Variants in WWC1 observed in about 807,000 individuals in gnomAD.
The protein encoded by WWC1 is protein KIBRA.
A neutral mutation model predicts 138.4 loss-of-function variants in WWC1; 55 were observed. That is an observed-to-expected ratio of 0.40 (90% CI 0.32 to 0.50). The LOEUF (loss-of-function observed/expected upper bound fraction) is 0.50. WWC1 is among the 20% of genes least tolerant of loss of function. The pLI, the probability that WWC1 is intolerant of heterozygous loss-of-function variation, is 0.72. For missense variants in WWC1, 1,226 were observed against 1,420.4 expected (o/e 0.86, Z 2.20); for synonymous variants, 524 against 564.9 (o/e 0.93, Z 1.03).
At chr5:168,404,425 A>G (rs1452007394) in intron 5 of WWC1, among the ~76,000 whole-genome samples, 2 of 152,212 alleles carry the variant, frequency 1.3e-5, no homozygotes, top group East Asian at 3.9e-4. Flanking sequence ...TAGACAGGCT[A>G]TTTTTAGTGG....
chr5:168,377,650 AT>A (rs1244025915), intron 2 of WWC1, among the ~76,000 whole-genome samples: 1 of 152,258 alleles, frequency 6.6e-6, no homozygotes, highest in Non-Finnish European at 1.5e-5. Context: ...AAAAGAAGAC[AT>A]AAAAGAGGCT....
At chr5:168,324,331 G>T (rs1276256043) in intron 1 of WWC1, among the ~76,000 whole-genome samples, 1 of 152,150 alleles carries the variant, frequency 6.6e-6, no homozygotes, top group Non-Finnish European at 1.5e-5. Context: ...TACTCAGGAG[G>T]CCGAGGCAGG....
chr5:168,324,237 C>G (rs1772349862), intron 1 of WWC1, among the ~76,000 whole-genome samples: 1 of 152,118 alleles, frequency 6.6e-6, no homozygotes, highest in Non-Finnish European at 1.5e-5. Flanking sequence ...AGTTTGAGAC[C>G]AGCCTGACCA....
intron 6 of WWC1, among the ~76,000 whole-genome samples, chr5:168,407,081 C>T (rs925487892): frequency 6.6e-6 from 1 of 152,120 alleles, no homozygotes; most frequent in Non-Finnish European, 1.5e-5. Context: ...CTTGAGCCAG[C>T]GCACCTGGCC....
At chr5:168,376,246 G>T (rs1777156740) in intron 2 of WWC1, among the ~76,000 whole-genome samples, 1 of 151,692 alleles carries the variant, frequency 6.6e-6, no homozygotes, top group Admixed American at 6.6e-5. Context: ...TAGAGATGGG[G>T]TTTCACCATG....
chr5:168,449,613 G>GC (rs1432303472), intron 17 of WWC1, among the ~76,000 whole-genome samples: 1 of 101,986 alleles, frequency 9.8e-6, no homozygotes, highest in African/African-American at 3.7e-5. Context: ...CACTCTTGTT[G>GC]CCCAGGCTAG....
At chr5:168,422,637 G>A (rs1781184324) in intron 10 of WWC1, among the ~76,000 whole-genome samples, 2 of 151,778 alleles carry the variant, frequency 1.3e-5, no homozygotes, top group African/African-American at 2.4e-5. Context: ...AAAAGCCTTA[G>A]GAAACTCACA....
At chr5:168,431,113 C>G in intron 14 of WWC1, 139 bp from the exon 15 acceptor site, 1 of 727,924 alleles carries the variant, frequency 1.4e-6, no homozygotes. Context: ...TGTATAGGGG[C>G]CTGATTCCCC....
chr5:168,360,498 C>T (rs1191659489), intron 1 of WWC1, among the ~76,000 whole-genome samples: 2 of 152,188 alleles, frequency 1.3e-5, no homozygotes, highest in African/African-American at 4.8e-5. Flanking sequence ...GTGCCTAGTG[C>T]TTCACTGGCC....
intron 1 of WWC1, among the ~76,000 whole-genome samples, chr5:168,363,166 C>A (rs1250988433): frequency 2.0e-5 from 3 of 152,112 alleles, no homozygotes; most frequent in African/African-American, 7.2e-5. Flanking sequence ...CTTCAGAGAG[C>A]AGATTTTGAG....
chr5:168,406,625 GT>G (rs1394888280), intron 6 of WWC1, among the ~76,000 whole-genome samples: 1 of 152,126 alleles, frequency 6.6e-6, no homozygotes, highest in African/African-American at 2.4e-5. Flanking sequence ...TTTTTTCTTT[GT>G]TTTTTAAACT....
intron 2 of WWC1, among the ~76,000 whole-genome samples, chr5:168,379,986 G>A (rs1777492881): frequency 6.6e-6 from 1 of 152,032 alleles, no homozygotes. Context: ...GCACTAACCA[G>A]AAAAGAAAAA....
At chr5:168,354,109 G>A (rs1250455416) in intron 1 of WWC1, among the ~76,000 whole-genome samples, 1 of 151,500 alleles carries the variant, frequency 6.6e-6, no homozygotes, top group Non-Finnish European at 1.5e-5. Context: ...GGAGTGCAGT[G>A]GTGTGATCTC....
intron 1 of WWC1, among the ~76,000 whole-genome samples, chr5:168,367,404 T>G (rs1451913125): frequency 2.0e-5 from 3 of 151,950 alleles, no homozygotes; most frequent in Non-Finnish European, 4.4e-5. Context: ...GGATCTCGGC[T>G]CACTGCAAGC....
chr5:168,375,097 A>G (rs1043287346), intron 2 of WWC1, among the ~76,000 whole-genome samples: 1 of 152,128 alleles, frequency 6.6e-6, no homozygotes, highest in Non-Finnish European at 1.5e-5. Context: ...TGACAGTTTG[A>G]TATATAAACC....
intron 17 of WWC1, among the ~76,000 whole-genome samples, chr5:168,453,201 G>A (rs1755985362): frequency 5.3e-5 from 8 of 151,658 alleles, no homozygotes; most frequent in Admixed American, 5.3e-4. Context: ...TCCAGCCTGG[G>A]TGACAGAGTG....
chr5:168,338,792 A>T (rs1021431315), intron 1 of WWC1, among the ~76,000 whole-genome samples: 1 of 152,216 alleles, frequency 6.6e-6, no homozygotes, highest in African/African-American at 2.4e-5. Flanking sequence ...AGTTGATCTC[A>T]TAGAAGTAAA....
chr5:168,460,241 A>G (rs1416085853), intron 19 of WWC1, among the ~76,000 whole-genome samples: 1 of 152,182 alleles, frequency 6.6e-6, no homozygotes, highest in African/African-American at 2.4e-5. Flanking sequence ...GAAGGTTAAG[A>G]GGGCAGTATA....
At chr5:168,418,096 A>G (rs1232382588) in intron 9 of WWC1, among the ~76,000 whole-genome samples, 1 of 152,148 alleles carries the variant, frequency 6.6e-6, no homozygotes, top group African/African-American at 2.4e-5. Context: ...TCTGTCTCTC[A>G]AAATGGGATT....
Sources: gnomAD v4.1 joint callset for allele counts (sites outside exome capture counted in the v4.1 genomes callset) on GRCh38, gnomAD v4.1.1 for gene constraint, MANE v1.5 for transcripts, NCBI Gene and HGNC (gene_info 2026-07-23, HGNC 2026-07-21) for gene names.